Variants in CNTN5 observed in about 807,000 individuals in gnomAD.
CNTN5 encodes contactin 5, also known as contactin-5.
CNTN5 carries 77 observed loss-of-function variants against 129.1 expected under a neutral mutation model. The ratio of observed to expected loss-of-function variants is 0.60; its 90% CI spans 0.50 to 0.72. The LOEUF (loss-of-function observed/expected upper bound fraction) is 0.72, where lower values mean the gene tolerates loss of function less well. Among genes scored for constraint, CNTN5 ranks in the 30% least tolerant of loss-of-function variants. CNTN5 has a pLI of 0.00. For synonymous variants in CNTN5, 509 were observed against 465.6 expected (o/e 1.09, Z -1.20); for missense variants, 1,478 against 1,328.8 (o/e 1.11, Z -1.75).
intron 3 of CNTN5, among the ~76,000 whole-genome samples, chr11:99,818,174 G>T (rs1946655155): frequency 6.6e-6 from 1 of 151,944 alleles, no homozygotes. Flanking sequence ...TTATGAGAAA[G>T]CTTACTTACA....
At chr11:100,345,360 GAA>G (rs1040500494) in intron 23 of CNTN5, among the ~76,000 whole-genome samples, 17 of 152,092 alleles carry the variant, frequency 1.1e-4, no homozygotes, top group African/African-American at 3.9e-4. Context: ...TCATACTCAT[GAA>G]AGGAGAAGTC....
intron 15 of CNTN5, among the ~76,000 whole-genome samples, chr11:100,199,579 A>T (rs1304572655): frequency 2.0e-5 from 3 of 151,920 alleles, no homozygotes; most frequent in Non-Finnish European, 4.4e-5. Flanking sequence ...AAGGTTTTAG[A>T]ATATTCAGAC....
chr11:99,121,500 T>C (rs1858325988), intron 1 of CNTN5, among the ~76,000 whole-genome samples: 2 of 152,212 alleles, frequency 1.3e-5, no homozygotes, highest in African/African-American at 2.4e-5. Flanking sequence ...TGACATATTC[T>C]GGCCTGGGCC....
chr11:99,240,925 C>T (rs954987281), intron 1 of CNTN5, among the ~76,000 whole-genome samples: 1 of 152,110 alleles, frequency 6.6e-6, no homozygotes, highest in Admixed American at 6.6e-5. Flanking sequence ...TGAAAAACAA[C>T]CTGTGCAATA....
intron 8 of CNTN5, among the ~76,000 whole-genome samples, chr11:99,995,326 T>TAAA (rs5794033): frequency 1.5e-3 from 216 of 147,824 alleles, no homozygotes; most frequent in Middle Eastern, 0.014. Flanking sequence ...GCCAAAAAAT[T>TAAA]AAAAAAAAAA....
At chr11:99,212,099 G>A (rs1393614636) in intron 1 of CNTN5, among the ~76,000 whole-genome samples, 1 of 152,128 alleles carries the variant, frequency 6.6e-6, no homozygotes, top group Admixed American at 6.6e-5. Flanking sequence ...TAAGGCATTT[G>A]TTTTCTCACA....
chr11:100,264,665 C>T (rs938594643), intron 17 of CNTN5, among the ~76,000 whole-genome samples: 4 of 152,112 alleles, frequency 2.6e-5, no homozygotes, highest in Non-Finnish European at 5.9e-5. Flanking sequence ...CATGTCTCTG[C>T]TAATGTCAAT....
chr11:100,322,902 T>C (rs1188114972), intron 21 of CNTN5, among the ~76,000 whole-genome samples: 2 of 152,200 alleles, frequency 1.3e-5, no homozygotes, highest in Non-Finnish European at 2.9e-5. Context: ...TTCTATAAAC[T>C]TAGCACTTAC....
At chr11:99,706,159 A>G (rs565714586) in intron 3 of CNTN5, among the ~76,000 whole-genome samples, 1 of 151,580 alleles carries the variant, frequency 6.6e-6, no homozygotes, top group Admixed American at 6.6e-5. Context: ...GGGACTAGAT[A>G]CAGAAGGGGG....
chr11:99,359,953 C>T (rs934968714), intron 2 of CNTN5, among the ~76,000 whole-genome samples: 1 of 152,122 alleles, frequency 6.6e-6, no homozygotes, highest in African/African-American at 2.4e-5. Context: ...GGATGGATTC[C>T]TCATTTGCCC....
chr11:99,269,648 A>T (rs535070501), intron 1 of CNTN5, among the ~76,000 whole-genome samples: 1 of 151,780 alleles, frequency 6.6e-6, no homozygotes, highest in South Asian at 2.1e-4. Context: ...TGTTGACCAA[A>T]CTTCCACTGG....
intron 2 of CNTN5, among the ~76,000 whole-genome samples, chr11:99,396,720 A>T (rs990656746): frequency 6.6e-6 from 1 of 151,748 alleles, no homozygotes; most frequent in East Asian, 1.9e-4. Context: ...ACAGCCAAAC[A>T]GTTAGGAGAT....
At chr11:99,478,803 A>G (rs1945479439) in intron 2 of CNTN5, among the ~76,000 whole-genome samples, 1 of 152,136 alleles carries the variant, frequency 6.6e-6, no homozygotes, top group East Asian at 1.9e-4. Context: ...GATGTTTCCT[A>G]CTTTTAAAAA....
intron 1 of CNTN5, among the ~76,000 whole-genome samples, chr11:99,148,927 C>A (rs1348613082): frequency 6.6e-6 from 1 of 152,058 alleles, no homozygotes; most frequent in Non-Finnish European, 1.5e-5. Context: ...TCAAACCCTT[C>A]TATCCTCAAT....
chr11:100,115,115 T>TAAAAAAAAAAAAAA (rs11388029), intron 13 of CNTN5, among the ~76,000 whole-genome samples: 61 of 78,236 alleles, frequency 7.8e-4, no homozygotes, highest in South Asian at 1.4e-3. Flanking sequence ...AGGTATACAG[T>TAAAAAAAAAAAAAA]AAAAAAAAAA....
At chr11:99,777,924 A>T (rs1033107949) in intron 3 of CNTN5, among the ~76,000 whole-genome samples, 2 of 151,906 alleles carry the variant, frequency 1.3e-5, no homozygotes, top group East Asian at 3.9e-4. Flanking sequence ...TGACAACCCC[A>T]TTAAACACAG....
In CNTN5 at chr11:99,450,287, T is replaced by C. The variant is rs1944248729; in HGVS notation, c.-70-105858T>C. ...ATATATATATATATATATATATATG[T>C]TTGTGTATGTATGTATATGTATACA... is the stretch of plus-strand genomic sequence containing the variant. On this transcript the variant is annotated intron_variant, in intron 2 of 24. Coordinates refer to ENST00000524871, the MANE Select transcript of CNTN5 (RefSeq NM_014361.4). Among the ~76,000 whole-genome samples the C allele has an allele frequency of 3.3e-5, 5 of 150,222 alleles. No individual in the cohort carries two copies. The South Asian group carries it at 1.1e-3, about 32-fold the overall frequency.
At position 99,698,741 on chromosome 11, in the gene CNTN5, C is replaced by A. The variant is rs1954383176; in HGVS notation, c.56-120803C>A. Among the ~76,000 whole-genome samples the A allele has an allele frequency of 3.3e-5, 5 of 151,072 alleles. No individual in the cohort carries two copies. The South Asian group carries it at 1.0e-3, about 31-fold the overall frequency. On this transcript the variant is annotated intron_variant, in intron 3 of 24. Coordinates refer to ENST00000524871, the MANE Select transcript of CNTN5 (RefSeq NM_014361.4). ...ATTAACTAAATACTTGTTACATTTT[C>A]CCACATCATAAAATTAGGGGGAAAA...
chr11:99,793,011 C>T (rs970153221), intron 3 of CNTN5, among the ~76,000 whole-genome samples: 1 of 151,572 alleles, frequency 6.6e-6, no homozygotes, highest in African/African-American at 2.4e-5. Context: ...TTGGATCTTC[C>T]CTCTTTTATT....
Sources: gnomAD v4.1 joint callset for allele counts (sites outside exome capture counted in the v4.1 genomes callset) on GRCh38, gnomAD v4.1.1 for gene constraint, MANE v1.5 for transcripts, NCBI Gene and HGNC (gene_info 2026-07-23, HGNC 2026-07-21) for gene names.